Variants in HDAC4 observed in about 807,000 individuals in gnomAD.
HDAC4 encodes histone deacetylase 4.
Under a neutral mutation model 135.1 loss-of-function variants are expected in HDAC4, and 16 were observed. The observed-to-expected ratio is 0.12, with a 90% CI of 0.08 to 0.18. The LOEUF (loss-of-function observed/expected upper bound fraction) is 0.18. HDAC4 is among the 10% of genes least tolerant of loss of function. The pLI is 1.00. For synonymous variants in HDAC4, 685 were observed against 653.4 expected (o/e 1.05, Z -0.74); for missense variants, 1,143 against 1,511.8 (o/e 0.76, Z 4.05).
chr2:239,176,961 G>A (rs1363222412), intron 4 of HDAC4, among the ~76,000 whole-genome samples: 1 of 152,090 alleles, frequency 6.6e-6, no homozygotes, highest in Non-Finnish European at 1.5e-5. Flanking sequence ...TCTGCCCCGA[G>A]ACCCAGCAAT....
intron 2 of HDAC4, among the ~76,000 whole-genome samples, chr2:239,277,306 C>A (rs2050425092): frequency 6.6e-6 from 1 of 152,134 alleles, no homozygotes; most frequent in African/African-American, 2.4e-5. Context: ...TCCAGTAAGG[C>A]CTTTCCAAAG....
chr2:239,266,385 T>C (rs1005513599), intron 2 of HDAC4, among the ~76,000 whole-genome samples: 3 of 152,128 alleles, frequency 2.0e-5, no homozygotes, highest in East Asian at 1.9e-4. Flanking sequence ...CTCCATGACC[T>C]CCGCACAGCC....
chr2:239,310,336 G>A (rs977756724), intron 2 of HDAC4, among the ~76,000 whole-genome samples: 1 of 152,230 alleles, frequency 6.6e-6, no homozygotes, highest in African/African-American at 2.4e-5. Flanking sequence ...TCCACAGACA[G>A]CAGATACACA....
chr2:239,227,603 A>G (rs1212613437), intron 3 of HDAC4, among the ~76,000 whole-genome samples: 1 of 152,186 alleles, frequency 6.6e-6, no homozygotes, highest in Non-Finnish European at 1.5e-5. Flanking sequence ...GGGGAAATGC[A>G]GACAGAGAGA....
chr2:239,253,625 C>G (rs1173882265), intron 2 of HDAC4, among the ~76,000 whole-genome samples: 1 of 152,190 alleles, frequency 6.6e-6, no homozygotes, highest in African/African-American at 2.4e-5. Context: ...TGCACTGACT[C>G]GATAAGGATC....
intron 1 of HDAC4, among the ~76,000 whole-genome samples, chr2:239,378,266 A>C (rs1227335483): frequency 6.6e-6 from 1 of 152,146 alleles, no homozygotes; most frequent in Non-Finnish European, 1.5e-5. Flanking sequence ...GCACCCAGGC[A>C]CATAAAGTCC....
intron 21 of HDAC4, among the ~76,000 whole-genome samples, chr2:239,081,884 T>A (rs1574948018): frequency 6.6e-6 from 1 of 152,154 alleles, no homozygotes; most frequent in Non-Finnish European, 1.5e-5. Flanking sequence ...AGAAACAATA[T>A]CCAGCCTCTC....
chr2:239,202,136 A>G (rs551548627), intron 3 of HDAC4, among the ~76,000 whole-genome samples: 8 of 152,220 alleles, frequency 5.3e-5, no homozygotes, highest in African/African-American at 1.9e-4. Context: ...GGCTGTCTCC[A>G]TGCCCTCACC....
At chr2:239,062,318 C>A (rs1262215011) in intron 24 of HDAC4, among the ~76,000 whole-genome samples, 2 of 152,260 alleles carry the variant, frequency 1.3e-5, no homozygotes, top group African/African-American at 4.8e-5. Flanking sequence ...GCAACAGGGT[C>A]CCCGCAGGCC....
chr2:239,224,004 C>T (rs186162100), intron 3 of HDAC4, among the ~76,000 whole-genome samples: 5 of 152,184 alleles, frequency 3.3e-5, no homozygotes, highest in South Asian at 2.1e-4. Context: ...GGCTCGCCAA[C>T]GCCTACCACT....
intron 16 of HDAC4, among the ~76,000 whole-genome samples, chr2:239,100,515 C>T (rs536036694): frequency 3.2e-4 from 49 of 152,338 alleles, no homozygotes; most frequent in African/African-American, 1.0e-3. Context: ...CTCACACTGT[C>T]TGCCCCCAGC....
chr2:239,140,964 T>A (rs764998280), intron 8 of HDAC4: 10 of 440,772 alleles, frequency 2.3e-5, no homozygotes, highest in African/African-American at 4.1e-5. Context: ...GGGGAACAGG[T>A]AAAGCCACCC....
chr2:239,263,270 G>A (rs1181690392), intron 2 of HDAC4, among the ~76,000 whole-genome samples: 1 of 68,738 alleles, frequency 1.5e-5, no homozygotes, highest in African/African-American at 5.4e-5. Context: ...GAGGACCCCC[G>A]CCCAGCCCAG....
intron 15 of HDAC4, among the ~76,000 whole-genome samples, chr2:239,107,647 G>C (rs1464993920): frequency 6.6e-6 from 1 of 152,254 alleles, no homozygotes; most frequent in African/African-American, 2.4e-5. Context: ...CCTGATCTGA[G>C]ATATAATCGG....
intron 7 of HDAC4, chr2:239,155,671 A>G (rs2042379832): frequency 6.6e-6 from 1 of 152,316 alleles, no homozygotes. Context: ...TGTGTGACTG[A>G]GTACGTTCAC....
intron 2 of HDAC4, among the ~76,000 whole-genome samples, chr2:239,320,985 C>T (rs2053288806): frequency 6.6e-6 from 1 of 152,078 alleles, no homozygotes; most frequent in Non-Finnish European, 1.5e-5. Context: ...TACCGCTTTC[C>T]TTGTATAACA....
rs1430248082 is a variant in HDAC4, at chr2:239,139,946, T to G, written c.866-150A>C. 1 of 630,098 alleles carries G rather than the reference T, an allele frequency of 1.6e-6. No homozygotes were observed. Among genetic ancestry groups the G allele is most frequent in the Non-Finnish European group, 2.8e-6 (1 of 356,800 alleles). The allele number at this position is 630,098 out of a possible 1,614,324, so 39.0% of individuals were successfully genotyped here. A position where few individuals can be genotyped will look rare whatever the true frequency, so the allele number is the denominator to read the frequency against. On this transcript the variant is annotated intron_variant, in intron 8 of 26. Transcript: ENST00000543185. This position sits in a 1 kb window ranked among gnomAD's most constrained non-coding sequence, Gnocchi z 5.3. The stretch of plus-strand genomic sequence containing the variant: ...CAACAAAAAGAACATGGCCATGGTT[T>G]CAAAAAAGAAAGTATGATGCTGATT...
At chr2:239,382,338 T>C (rs961132993) in intron 1 of HDAC4, among the ~76,000 whole-genome samples, 3 of 152,254 alleles carry the variant, frequency 2.0e-5, no homozygotes, top group African/African-American at 7.2e-5. Context: ...CTGCCACATA[T>C]GCAAATTAAA....
intron 2 of HDAC4, among the ~76,000 whole-genome samples, chr2:239,280,672 T>C (rs1355145303): frequency 6.6e-6 from 1 of 152,126 alleles, no homozygotes; most frequent in Non-Finnish European, 1.5e-5. Context: ...CGACGCAACA[T>C]CCTGGAACTG....
Sources: gnomAD v4.1 joint callset for allele counts (sites outside exome capture counted in the v4.1 genomes callset) on GRCh38, gnomAD v4.1.1 for gene constraint, Gnocchi (gnomAD v3.1) non-coding constraint, MANE v1.5 for transcripts, NCBI Gene and HGNC (gene_info 2026-07-23, HGNC 2026-07-21) for gene names.